Variants in CCDC91 observed in about 807,000 individuals in gnomAD.
The protein encoded by CCDC91 is coiled-coil domain-containing protein 91.
CCDC91 carries 48 observed loss-of-function variants against 63.2 expected under a neutral mutation model. That is an observed-to-expected ratio of 0.76 (90% CI 0.60 to 0.97). The LOEUF (loss-of-function observed/expected upper bound fraction) is 0.97. CCDC91 is among the 50% of genes least tolerant of loss of function. CCDC91 has a pLI of 0.00. For missense variants in CCDC91, 500 were observed against 494.6 expected (o/e 1.01, Z -0.10); for synonymous variants, 167 against 165.8 (o/e 1.01, Z -0.06).
At chr12:28,426,319 T>C (rs1388819768) in intron 8 of CCDC91, among the ~76,000 whole-genome samples, 1 of 152,164 alleles carries the variant, frequency 6.6e-6, no homozygotes, top group Admixed American at 6.6e-5. Flanking sequence ...TGCGGTAGTG[T>C]TCCCTGAGCT....
intron 3 of CCDC91, among the ~76,000 whole-genome samples, chr12:28,272,613 C>A (rs1425044878): frequency 3.3e-5 from 5 of 151,816 alleles, no homozygotes; most frequent in Non-Finnish European, 7.4e-5. Flanking sequence ...TCCTCCTTCT[C>A]TTTATTCATA....
At chr12:28,445,253 C>T (rs1361605909) in intron 8 of CCDC91, among the ~76,000 whole-genome samples, 1 of 152,016 alleles carries the variant, frequency 6.6e-6, no homozygotes. Flanking sequence ...GATAACTTGC[C>T]AAAGGTTCAG....
At chr12:28,267,777 T>TTAATATATAATTATATATAATTATATAG (rs1565699467) in intron 3 of CCDC91, among the ~76,000 whole-genome samples, 5 of 72,816 alleles carry the variant, frequency 6.9e-5, no homozygotes, top group African/African-American at 2.7e-4. Flanking sequence ...AATTATATTA[T>TTAATATATAATTATATATAATTATATAG]TAATATATAA....
chr12:28,224,149 G>A (rs1207287947), intron 1 of CCDC91, among the ~76,000 whole-genome samples: 1 of 152,104 alleles, frequency 6.6e-6, no homozygotes, highest in Non-Finnish European at 1.5e-5. Flanking sequence ...TGTGTATCCT[G>A]TGTAAGTATT....
At chr12:28,482,521 A>T (rs1458342365) in intron 11 of CCDC91, among the ~76,000 whole-genome samples, 1 of 151,954 alleles carries the variant, frequency 6.6e-6, no homozygotes, top group African/African-American at 2.4e-5. Context: ...AGCAAATGAC[A>T]AGAGAAAATG....
At chr12:28,227,071 G>T (rs970675095) in intron 1 of CCDC91, among the ~76,000 whole-genome samples, 1 of 152,128 alleles carries the variant, frequency 6.6e-6, no homozygotes, top group Non-Finnish European at 1.5e-5. Context: ...TTATCACATT[G>T]TATCAAGGGT....
At chr12:28,244,064 A>T (rs1249252094) in intron 1 of CCDC91, among the ~76,000 whole-genome samples, 2 of 152,244 alleles carry the variant, frequency 1.3e-5, no homozygotes, top group Admixed American at 1.3e-4. Context: ...GAAGACAAAC[A>T]TCATTGCCAA....
At chr12:28,254,211 G>C (rs1304946481) in intron 1 of CCDC91, among the ~76,000 whole-genome samples, 1 of 152,144 alleles carries the variant, frequency 6.6e-6, no homozygotes, top group African/African-American at 2.4e-5. Context: ...AGAATTGTTA[G>C]ACCTTGATAT....
intron 12 of CCDC91, among the ~76,000 whole-genome samples, chr12:28,497,469 G>A (rs556834834): frequency 6.6e-6 from 1 of 151,612 alleles, no homozygotes; most frequent in South Asian, 2.1e-4. Context: ...TGTTCTGGTT[G>A]TTAGAGAAGG....
At chr12:28,314,660 A>G (rs1939656542) in intron 6 of CCDC91, among the ~76,000 whole-genome samples, 1 of 152,078 alleles carries the variant, frequency 6.6e-6, no homozygotes, top group South Asian at 2.1e-4. Flanking sequence ...CACTCTGAAG[A>G]TGTATCTTTG....
chr12:28,220,274 A>G (rs577226841), intron 1 of CCDC91, among the ~76,000 whole-genome samples: 13 of 152,124 alleles, frequency 8.5e-5, no homozygotes, highest in African/African-American at 3.1e-4. Context: ...CTAATTAATT[A>G]ATTAATTAAT....
intron 6 of CCDC91, among the ~76,000 whole-genome samples, chr12:28,310,884 A>G (rs1051740380): frequency 4.6e-5 from 7 of 151,996 alleles, no homozygotes; most frequent in Non-Finnish European, 7.4e-5. Context: ...TTGCTTTAAA[A>G]TCCTTGTTAG....
At chr12:28,547,463 T>A (rs567741300) in intron 12 of CCDC91, among the ~76,000 whole-genome samples, 4 of 152,262 alleles carry the variant, frequency 2.6e-5, no homozygotes, top group African/African-American at 9.6e-5. Context: ...TATTTATTGC[T>A]TGTCTAACAT....
intron 8 of CCDC91, among the ~76,000 whole-genome samples, chr12:28,411,922 C>G (rs1246270865): frequency 1.3e-5 from 2 of 152,178 alleles, no homozygotes; most frequent in Non-Finnish European, 2.9e-5. Flanking sequence ...GGGATCCACT[C>G]CGATAACCCA....
At chr12:28,334,214 C>CAAA (rs1941750374) in intron 6 of CCDC91, among the ~76,000 whole-genome samples, 2 of 151,958 alleles carry the variant, frequency 1.3e-5, no homozygotes, top group Non-Finnish European at 2.9e-5. Flanking sequence ...AGACTTGCTT[C>CAAA]CAAACAAGTG....
At chr12:28,267,217 C>A (rs1260534141) in intron 3 of CCDC91, among the ~76,000 whole-genome samples, 1 of 151,768 alleles carries the variant, frequency 6.6e-6, no homozygotes, top group Non-Finnish European at 1.5e-5. Context: ...ATCTTCCAGG[C>A]ATGTACAATT....
At chr12:28,505,238 G>A (rs1938551564) in intron 12 of CCDC91, among the ~76,000 whole-genome samples, 1 of 151,848 alleles carries the variant, frequency 6.6e-6, no homozygotes, top group African/African-American at 2.4e-5. Context: ...TGTATATGAA[G>A]TGATGGGAAA....
chr12:28,546,340 A>C (rs899147583), intron 12 of CCDC91, among the ~76,000 whole-genome samples: 1 of 152,072 alleles, frequency 6.6e-6, no homozygotes, highest in African/African-American at 2.4e-5. Flanking sequence ...AATGCCCACT[A>C]ATTTATATTC....
intron 8 of CCDC91, among the ~76,000 whole-genome samples, chr12:28,418,330 A>G (rs1947803712): frequency 6.6e-6 from 1 of 152,158 alleles, no homozygotes; most frequent in African/African-American, 2.4e-5. Context: ...AGCTAGATAA[A>G]AATTTAAAAA....
Sources: allele counts gnomAD v4.1 joint callset (sites outside exome capture counted in the v4.1 genomes callset), GRCh38; gene constraint gnomAD v4.1.1; transcripts MANE v1.5; gene names NCBI Gene and HGNC (gene_info 2026-07-23, HGNC 2026-07-21).